The following PABPC4L variants were observed in gnomAD, a reference collection of about 807,000 sequenced individuals.
The protein encoded by PABPC4L is poly(A) binding protein cytoplasmic 4 like, also known as polyadenylate-binding protein 4-like.
For missense variants in PABPC4L, 452 were observed against 451.4 expected, an observed-to-expected ratio of 1.00 and a Z score of -0.01; for synonymous variants, 169 against 164.1, an observed-to-expected ratio of 1.03 and a Z score of -0.23.
the PABPC4L span, among the ~76,000 whole-genome samples, chr4:133,965,341 C>T: frequency 0.13 from 19,665 of 152,038 alleles, 2,696 homozygotes; most frequent in East Asian, 0.49. Context: ...AATGAAAACA[C>T]ATCCCATGTT....
chr4:134,103,356 G>T, the PABPC4L span, among the ~76,000 whole-genome samples: 1 of 151,550 alleles, frequency 6.6e-6, no homozygotes. Context: ...TTAAAAAATA[G>T]AAATTTTCTT....
chr4:134,075,386 G>T, the PABPC4L span, among the ~76,000 whole-genome samples: 1 of 152,080 alleles, frequency 6.6e-6, no homozygotes, highest in African/African-American at 2.4e-5. Context: ...AGATAAAAAA[G>T]TCTTAGTCAA....
At chr4:134,110,597 G>C in the PABPC4L span, among the ~76,000 whole-genome samples, 1 of 89,500 alleles carries the variant, frequency 1.1e-5, no homozygotes, top group Non-Finnish European at 2.1e-5. Context: ...GTGTGTGTGT[G>C]TGTGTGTGTA....
chr4:134,078,067 C>T, the PABPC4L span, among the ~76,000 whole-genome samples: 1 of 152,150 alleles, frequency 6.6e-6, no homozygotes, highest in South Asian at 2.1e-4. Context: ...TTATCTAAAA[C>T]AAACTATTTG....
At chr4:134,170,123 G>A in the PABPC4L span, among the ~76,000 whole-genome samples, 1 of 152,102 alleles carries the variant, frequency 6.6e-6, no homozygotes, top group Admixed American at 6.6e-5. Flanking sequence ...CCACTTATAA[G>A]TGAGAACATG....
the PABPC4L span, among the ~76,000 whole-genome samples, chr4:134,095,068 T>C: frequency 1.3e-5 from 2 of 151,782 alleles, no homozygotes. Flanking sequence ...AGGTAGTACT[T>C]CTTTTACAGA....
the PABPC4L span, among the ~76,000 whole-genome samples, chr4:134,177,634 T>G: frequency 6.6e-6 from 1 of 151,982 alleles, no homozygotes; most frequent in Non-Finnish European, 1.5e-5. Flanking sequence ...CACTTCTATG[T>G]GAACTCATCT....
chr4:134,011,135 A>G, the PABPC4L span, among the ~76,000 whole-genome samples: 2 of 152,172 alleles, frequency 1.3e-5, no homozygotes, highest in Admixed American at 1.3e-4. Flanking sequence ...TTTACCCTTG[A>G]TTTAAATTTT....
At chr4:134,072,886 T>G in the PABPC4L span, among the ~76,000 whole-genome samples, 1 of 152,120 alleles carries the variant, frequency 6.6e-6, no homozygotes, top group Non-Finnish European at 1.5e-5. Flanking sequence ...ACTCACTCAC[T>G]ATCACAAGAA....
chr4:134,123,668 G>A, the PABPC4L span, among the ~76,000 whole-genome samples: 14 of 152,206 alleles, frequency 9.2e-5, no homozygotes, highest in Admixed American at 2.0e-4. Flanking sequence ...TACAGAGCGA[G>A]AGAGAGAAAT....
chr4:134,152,573 A>T, the PABPC4L span, among the ~76,000 whole-genome samples: 1 of 152,140 alleles, frequency 6.6e-6, no homozygotes, highest in African/African-American at 2.4e-5. Context: ...CATTCTGGGC[A>T]TCTGCACACT....
the PABPC4L span, among the ~76,000 whole-genome samples, chr4:134,029,350 A>G: frequency 5.9e-5 from 9 of 152,078 alleles, no homozygotes; most frequent in South Asian, 2.1e-4. Flanking sequence ...GGTGAGCATC[A>G]AACAATGGCA....
At chr4:134,133,259 A>G in the PABPC4L span, among the ~76,000 whole-genome samples, 1 of 137,968 alleles carries the variant, frequency 7.2e-6, no homozygotes, top group Non-Finnish European at 1.5e-5. Flanking sequence ...TTATATAAAT[A>G]ATATACTAAA....
At chr4:134,158,854 A>T in the PABPC4L span, among the ~76,000 whole-genome samples, 16 of 152,168 alleles carry the variant, frequency 1.1e-4, no homozygotes, top group South Asian at 3.1e-3. Context: ...ACACAAACTT[A>T]GATGGTATAG....
At chr4:134,176,696 G>A in the PABPC4L span, among the ~76,000 whole-genome samples, 1 of 152,028 alleles carries the variant, frequency 6.6e-6, no homozygotes, top group Non-Finnish European at 1.5e-5. Flanking sequence ...AGAACAGAGG[G>A]GAGAAAAGCT....
chr4:134,106,593 T>G, the PABPC4L span, among the ~76,000 whole-genome samples: 4 of 151,540 alleles, frequency 2.6e-5, no homozygotes, highest in Non-Finnish European at 5.9e-5. Flanking sequence ...TACTTTTAAA[T>G]TTAGTGACTA....
At chr4:134,175,717 G>A in the PABPC4L span, among the ~76,000 whole-genome samples, 1 of 152,124 alleles carries the variant, frequency 6.6e-6, no homozygotes, top group Non-Finnish European at 1.5e-5. Context: ...CCAAAGTGCT[G>A]GGATTACAGG....
chr4:134,146,803 T>C, the PABPC4L span, among the ~76,000 whole-genome samples: 1 of 152,070 alleles, frequency 6.6e-6, no homozygotes, highest in East Asian at 1.9e-4. Flanking sequence ...TTTGATTGGT[T>C]ACAAGGCATC....
chr4:134,092,867 A>G, the PABPC4L span, among the ~76,000 whole-genome samples: 2 of 151,984 alleles, frequency 1.3e-5, no homozygotes, highest in Non-Finnish European at 2.9e-5. Flanking sequence ...CAGTGAAAAT[A>G]TTTTGCAATG....
Sources: gnomAD v4.1 joint callset for allele counts (sites outside exome capture counted in the v4.1 genomes callset) on GRCh38, gnomAD v4.1.1 for gene constraint, MANE v1.5 for transcripts, NCBI Gene and HGNC (gene_info 2026-07-23, HGNC 2026-07-21) for gene names.